The following IGSF10 variants were observed in gnomAD, a reference collection of about 807,000 sequenced individuals.
IGSF10 encodes calvaria mechanical force protein 608.
A neutral mutation model predicts 128.2 loss-of-function variants in IGSF10; 126 were observed. The ratio of observed to expected loss-of-function variants is 0.98; its 90% confidence interval spans 0.85 to 1.14. The LOEUF (loss-of-function observed/expected upper bound fraction) is 1.14, where lower values mean the gene tolerates loss of function less well. Ranked by LOEUF, IGSF10 falls within the 50% of genes most tolerant of loss-of-function variation. The pLI, the probability that IGSF10 is intolerant of heterozygous loss-of-function variation, is 0.00. For missense variants in IGSF10, 3,295 were observed against 3,149.8 expected (o/e 1.05, Z -1.10); for synonymous variants, 1,185 against 1,146.2 (o/e 1.03, Z -0.68).
chr3:151,532,985 A>T, the IGSF10 span, among the ~76,000 whole-genome samples: 1 of 152,242 alleles, frequency 6.6e-6, no homozygotes, highest in Non-Finnish European at 1.5e-5. Flanking sequence ...ACAAAAATCA[A>T]TGTGCAAAAA....
chr3:151,432,705 A>C, downstream of IGSF10: 1 of 1,434,932 alleles, frequency 7.0e-7, no homozygotes, highest in Non-Finnish European at 9.8e-7. Context: ...CCATCTGTGC[A>C]ATAGTTTTGT....
At chr3:151,605,425 G>T in the IGSF10 span, among the ~76,000 whole-genome samples, 1 of 152,072 alleles carries the variant, frequency 6.6e-6, no homozygotes, top group Non-Finnish European at 1.5e-5. Context: ...TCCACACACT[G>T]TTATATATGA....
intron 7 of IGSF10, among the ~76,000 whole-genome samples, chr3:151,441,044 G>A (rs1720822128): frequency 6.6e-6 from 1 of 152,090 alleles, no homozygotes; most frequent in Non-Finnish European, 1.5e-5. Flanking sequence ...TCACCTGGAG[G>A]GCTTTTAAGA....
the IGSF10 span, among the ~76,000 whole-genome samples, chr3:151,540,424 A>G: frequency 2.2e-4 from 33 of 152,188 alleles, 1 homozygote; most frequent in South Asian, 6.4e-3. Context: ...TTTGCTTAAC[A>G]TTATTTTTTT....
chr3:151,598,430 A>G, the IGSF10 span, among the ~76,000 whole-genome samples: 2 of 152,152 alleles, frequency 1.3e-5, no homozygotes, highest in Admixed American at 6.5e-5. Context: ...TTGCTTAATT[A>G]TTTGACCCCC....
chr3:151,548,342 T>G, the IGSF10 span, among the ~76,000 whole-genome samples: 3 of 152,196 alleles, frequency 2.0e-5, no homozygotes, highest in Non-Finnish European at 4.4e-5. Context: ...TATGAGTGAA[T>G]GAGACTTCAG....
At chr3:151,509,988 TG>T in the IGSF10 span, among the ~76,000 whole-genome samples, 2 of 152,200 alleles carry the variant, frequency 1.3e-5, no homozygotes, top group African/African-American at 4.8e-5. Flanking sequence ...AAGCTGGAAC[TG>T]GGTGGAGCCC....
At chr3:151,438,826 A>ATATATATACACATACATTTTGAGG (rs1720647751) in intron 7 of IGSF10, among the ~76,000 whole-genome samples, 3 of 4,860 alleles carry the variant, frequency 6.2e-4, no homozygotes, top group African/African-American at 2.1e-3. Context: ...ATTTTGAGAT[A>ATATATATACACATACATTTTGAGG]TATATATATA....
chr3:151,581,547 T>C, the IGSF10 span, among the ~76,000 whole-genome samples: 3 of 152,178 alleles, frequency 2.0e-5, no homozygotes, highest in African/African-American at 7.2e-5. Flanking sequence ...ACCTTATTCA[T>C]AGCACAAAGA....
the IGSF10 span, among the ~76,000 whole-genome samples, chr3:151,484,137 A>G: frequency 6.6e-6 from 1 of 152,192 alleles, no homozygotes; most frequent in Non-Finnish European, 1.5e-5. Context: ...GCCATTGCTG[A>G]GGCTTGATAG....
At chr3:151,542,996 G>C in the IGSF10 span, among the ~76,000 whole-genome samples, 1 of 151,922 alleles carries the variant, frequency 6.6e-6, no homozygotes, top group East Asian at 1.9e-4. Flanking sequence ...ATCGTCTATT[G>C]ATATTTTTGT....
At chr3:151,484,729 C>CAAAAAAAAAAAAAAAAAAAAAAAA in the IGSF10 span, among the ~76,000 whole-genome samples, 1 of 131,648 alleles carries the variant, frequency 7.6e-6, no homozygotes. Context: ...GGAAAACTGA[C>CAAAAAAAAAAAAAAAAAAAAAAAA]AAAAAAAAAA....
chr3:151,529,520 A>C, the IGSF10 span, among the ~76,000 whole-genome samples: 1 of 152,222 alleles, frequency 6.6e-6, no homozygotes, highest in Non-Finnish European at 1.5e-5. Context: ...AACAGGCAGC[A>C]ATCTTTGCTG....
the IGSF10 span, among the ~76,000 whole-genome samples, chr3:151,587,430 T>C: frequency 1.3e-5 from 2 of 152,320 alleles, no homozygotes; most frequent in African/African-American, 4.8e-5. Flanking sequence ...AAGGTGATGT[T>C]TTGATTTATT....
At chr3:151,496,974 C>A in the IGSF10 span, among the ~76,000 whole-genome samples, 1 of 152,114 alleles carries the variant, frequency 6.6e-6, no homozygotes, top group East Asian at 1.9e-4. Context: ...GCATAAATGT[C>A]TTCTTTTGAG....
At position 151,445,139 on chromosome 3, in the gene IGSF10, C is replaced by T; in HGVS notation, c.4842G>A (p.Lys1614=). The change falls in exon 6 of 8, where the codon AAG becomes AAA. Residue 1614 remains lysine (K), a synonymous_variant. Coordinates refer to ENST00000282466, the MANE Select transcript of IGSF10 (RefSeq NM_178822.5). The part of the protein sequence containing the change: ...TTLVSDWDGQ[K]NTKKSDFDKK... Reference sequence around the variant, plus strand: ...TATCAAAGTCACTCTTCTTTGTGTTCTTCTGTCCATCCCAATCTGAAACAA... The same window carrying T: ...TATCAAAGTCACTCTTCTTTGTGTTTTTCTGTCCATCCCAATCTGAAACAA... 6.2e-7 allele frequency: 1 copy of T among 1,614,164 alleles called. No individual in the cohort carries two copies. The highest frequency in any genetic ancestry group is 8.5e-7 in the Non-Finnish European group (1 of 1,180,016).
At chr3:151,521,549 A>C in the IGSF10 span, among the ~76,000 whole-genome samples, 1 of 152,114 alleles carries the variant, frequency 6.6e-6, no homozygotes, top group Non-Finnish European at 1.5e-5. Context: ...AGTCAAGACT[A>C]AGAAAATCAC....
the IGSF10 span, among the ~76,000 whole-genome samples, chr3:151,486,902 T>C: frequency 1.3e-5 from 2 of 152,054 alleles, no homozygotes; most frequent in African/African-American, 2.4e-5. Flanking sequence ...AAAATTGATA[T>C]CCTAACATCA....
chr3:151,615,627 T>C, the IGSF10 span, among the ~76,000 whole-genome samples: 1 of 152,282 alleles, frequency 6.6e-6, no homozygotes, highest in South Asian at 2.1e-4. Flanking sequence ...GTACGCTCTT[T>C]ATGGATCAAA....
Sources: gnomAD v4.1 joint callset for allele counts (sites outside exome capture counted in the v4.1 genomes callset) on GRCh38, gnomAD v4.1.1 for gene constraint, MANE v1.5 for transcripts, NCBI Gene and HGNC (gene_info 2026-07-23, HGNC 2026-07-21) for gene names.